The following CADPS2 variants were observed in gnomAD, a reference collection of about 807,000 sequenced individuals.
CADPS2 encodes the protein calcium dependent secretion activator 2.
CADPS2 carries 93 observed loss-of-function variants against 172.5 expected under a neutral mutation model. That is an observed-to-expected ratio of 0.54 (90% confidence interval 0.46 to 0.64). The LOEUF (loss-of-function observed/expected upper bound fraction) is 0.64. CADPS2 is among the 30% of genes least tolerant of loss of function. The probability of loss-of-function intolerance (pLI) is 0.00; values close to 1 mark genes in which losing one functional copy is unlikely to be tolerated. For synonymous variants in CADPS2, 546 were observed against 555.2 expected, an observed-to-expected ratio of 0.98 and a Z score of 0.23; for missense variants, 1,420 against 1,565.9, an observed-to-expected ratio of 0.91 and a Z score of 1.57.
At position 122,360,972 on chromosome 7, in the gene CADPS2, C is replaced by G; in HGVS notation, c.3429G>C (p.Arg1143Ser). Residue 1143 changes from arginine (R) to serine (S), a missense_variant, in exon 26 of 30, where the codon AGG becomes AGC. By Grantham distance (110) the Arg-to-Ser change is moderately radical (BLOSUM62 -1). Coordinates refer to ENST00000449022, the MANE Select transcript of CADPS2 (RefSeq NM_017954.11). ...ATGAAAAGAAAGTGCCTTCATCATA[C>G]CTTGACAGCTTAGACAACACGCCTT... is the stretch of plus-strand genomic sequence containing the variant. ...VLEGVLSKLS[R>S]YDEGTFFSSI... 2 of 1,613,686 alleles carry G rather than the reference C, an allele frequency of 1.2e-6. No homozygotes were observed. The highest frequency in any genetic ancestry group is 1.7e-6 in the Non-Finnish European group (2 of 1,179,786).
intron 2 of CADPS2, among the ~76,000 whole-genome samples, chr7:122,667,162 ATT>A: frequency 6.6e-6 from 1 of 152,244 alleles, no homozygotes; most frequent in East Asian, 1.9e-4. Context: ...GAGCTGCAAG[ATT>A]GTCCCTATAG....
At chr7:122,444,739 TCTGCGACTTAA>T (rs1159315740) in intron 15 of CADPS2, among the ~76,000 whole-genome samples, 3 of 152,210 alleles carry the variant, frequency 2.0e-5, no homozygotes, top group African/African-American at 7.2e-5. Context: ...TTTCTCCTAT[TCTGCGACTTAA>T]CTTTTTATTC....
chr7:122,504,777 C>A (rs577571262), intron 9 of CADPS2, among the ~76,000 whole-genome samples: 20 of 152,208 alleles, frequency 1.3e-4, no homozygotes, highest in African/African-American at 4.8e-4. Flanking sequence ...GTTGTTCAGA[C>A]TGGTCTCAAG....
At chr7:122,477,083 G>GAGAGAGA (rs1311578938) in intron 12 of CADPS2, among the ~76,000 whole-genome samples, 2 of 123,818 alleles carry the variant, frequency 1.6e-5, no homozygotes, top group Non-Finnish European at 3.4e-5. Flanking sequence ...AGAGAGAGAG[G>GAGAGAGA]GAGAGAGAGA....
At chr7:122,837,699 GA>G (rs1808972673) in intron 1 of CADPS2, among the ~76,000 whole-genome samples, 1 of 152,116 alleles carries the variant, frequency 6.6e-6, no homozygotes. Flanking sequence ...TAAATTCCTG[GA>G]CACATACACT....
chr7:122,666,193 G>T (rs898467640), intron 2 of CADPS2, among the ~76,000 whole-genome samples: 10 of 151,966 alleles, frequency 6.6e-5, no homozygotes, highest in Non-Finnish European at 1.3e-4. Context: ...ACACAATTTT[G>T]GTCTATCTGT....
At chr7:122,546,152 T>A (rs1254545213) in intron 8 of CADPS2, among the ~76,000 whole-genome samples, 1 of 152,310 alleles carries the variant, frequency 6.6e-6, no homozygotes, top group East Asian at 1.9e-4. Context: ...AATGTTAAAA[T>A]TGTGGTGATG....
chr7:122,669,223 C>G (rs1242355978), intron 2 of CADPS2, among the ~76,000 whole-genome samples: 1 of 151,836 alleles, frequency 6.6e-6, no homozygotes, highest in Non-Finnish European at 1.5e-5. Flanking sequence ...CCTAGCTACA[C>G]AGTAGACTGA....
chr7:122,625,012 C>G (rs1360906443), intron 4 of CADPS2, among the ~76,000 whole-genome samples: 2 of 151,714 alleles, frequency 1.3e-5, no homozygotes, highest in Admixed American at 1.3e-4. Flanking sequence ...CAGATGATGC[C>G]CTTTGAGCTA....
At chr7:122,517,885 T>C (rs1247787323) in intron 8 of CADPS2, among the ~76,000 whole-genome samples, 1 of 151,982 alleles carries the variant, frequency 6.6e-6, no homozygotes, top group Non-Finnish European at 1.5e-5. Flanking sequence ...ATCCATTTAT[T>C]AGAAAACATC....
At chr7:122,764,535 A>C (rs1469848191) in intron 1 of CADPS2, among the ~76,000 whole-genome samples, 1 of 152,190 alleles carries the variant, frequency 6.6e-6, no homozygotes, top group Non-Finnish European at 1.5e-5. Context: ...ACAGAAAGAC[A>C]CAACAAGTCA....
At chr7:122,321,974 T>C (rs1351441228) in intron 29 of CADPS2, among the ~76,000 whole-genome samples, 1 of 152,212 alleles carries the variant, frequency 6.6e-6, no homozygotes, top group Non-Finnish European at 1.5e-5. Context: ...CATAAGTTAT[T>C]ATGACTAAGG....
At chr7:122,347,819 T>G (rs976482567) in intron 27 of CADPS2, among the ~76,000 whole-genome samples, 2 of 152,216 alleles carry the variant, frequency 1.3e-5, no homozygotes, top group Non-Finnish European at 2.9e-5. Context: ...CTACTATTAA[T>G]ACTTGAAGGA....
chr7:122,666,787 G>A (rs753275868), intron 2 of CADPS2, among the ~76,000 whole-genome samples: 2 of 152,140 alleles, frequency 1.3e-5, no homozygotes, highest in Non-Finnish European at 2.9e-5. Flanking sequence ...CCTGAGAATG[G>A]TCTCCCAATG....
intron 1 of CADPS2, among the ~76,000 whole-genome samples, chr7:122,801,244 G>T (rs1303966127): frequency 6.6e-6 from 1 of 151,942 alleles, no homozygotes; most frequent in Non-Finnish European, 1.5e-5. Flanking sequence ...ATCAGACAAA[G>T]ACAGCACCAA....
At chr7:122,707,706 T>G (rs564900401) in intron 2 of CADPS2, among the ~76,000 whole-genome samples, 149 of 151,970 alleles carry the variant, frequency 9.8e-4, no homozygotes, top group African/African-American at 3.4e-3. Context: ...GACTCTAAAG[T>G]ACCTCACTGA....
chr7:122,716,782 G>T (rs776203943), intron 2 of CADPS2, among the ~76,000 whole-genome samples: 3 of 152,058 alleles, frequency 2.0e-5, no homozygotes, highest in East Asian at 3.9e-4. Context: ...GGTAGAGTGC[G>T]ACCAAGGGGC....
intron 1 of CADPS2, among the ~76,000 whole-genome samples, chr7:122,788,529 T>C (rs1477425241): frequency 6.6e-6 from 1 of 152,154 alleles, no homozygotes; most frequent in Non-Finnish European, 1.5e-5. Context: ...AATTGCTTTG[T>C]TTATATTTCA....
chr7:122,386,116 T>C (rs1271687825), intron 24 of CADPS2, among the ~76,000 whole-genome samples: 2 of 152,050 alleles, frequency 1.3e-5, no homozygotes, highest in African/African-American at 4.8e-5. Flanking sequence ...TTTTCATGAA[T>C]CTTTGGACTA....
Sources: gnomAD v4.1 joint callset for allele counts (sites outside exome capture counted in the v4.1 genomes callset) on GRCh38, gnomAD v4.1.1 for gene constraint, MANE v1.5 for transcripts, NCBI Gene and HGNC (gene_info 2026-07-23, HGNC 2026-07-21) for gene names.